Variants in ZNF654 observed in about 807,000 individuals in gnomAD.
The protein encoded by ZNF654 is zinc finger protein 654, also known as melanoma-associated antigen.
A neutral mutation model predicts 95.3 loss-of-function variants in ZNF654; 19 were observed. That is an observed-to-expected ratio of 0.20 (90% confidence interval 0.14 to 0.29). ZNF654 has a LOEUF of 0.29. ZNF654 is among the 10% of genes least tolerant of loss of function. The pLI, the probability that ZNF654 is intolerant of heterozygous loss-of-function variation, is 1.00. For synonymous variants in ZNF654, 413 were observed against 457.9 expected (o/e 0.90, Z 1.25); for missense variants, 1,046 against 1,341.0 (o/e 0.78, Z 3.44).
intron 6 of ZNF654, among the ~76,000 whole-genome samples, chr3:88,132,159 G>C (rs1329230248): frequency 6.6e-6 from 1 of 152,086 alleles, no homozygotes; most frequent in African/African-American, 2.4e-5. Flanking sequence ...CTAGTAAGTA[G>C]TGAAGCCAGG....
chr3:88,092,507 G>A (rs1009154935), intron 2 of ZNF654, among the ~76,000 whole-genome samples: 1 of 152,130 alleles, frequency 6.6e-6, no homozygotes, highest in African/African-American at 2.4e-5. Flanking sequence ...TACTCTGAAG[G>A]AATGACAGGA....
chr3:88,060,436 G>T (rs529979646), intron 1 of ZNF654, among the ~76,000 whole-genome samples: 1 of 152,126 alleles, frequency 6.6e-6, no homozygotes, highest in Non-Finnish European at 1.5e-5. Flanking sequence ...AATTTAAACG[G>T]TTTGTTCCCA....
chr3:88,087,590 G>T (rs2107666433), intron 2 of ZNF654, among the ~76,000 whole-genome samples: 1 of 152,278 alleles, frequency 6.6e-6, no homozygotes, highest in South Asian at 2.1e-4. Context: ...TAGAGGAATG[G>T]TCATTGCAAC....
intron 1 of ZNF654, among the ~76,000 whole-genome samples, chr3:88,074,089 T>G (rs1050885087): frequency 3.9e-5 from 6 of 152,186 alleles, no homozygotes; most frequent in African/African-American, 1.4e-4. Flanking sequence ...TCTACCAGAT[T>G]TGATCATTTG....
intron 2 of ZNF654, among the ~76,000 whole-genome samples, chr3:88,110,535 T>G (rs950875011): frequency 1.3e-5 from 2 of 152,146 alleles, no homozygotes; most frequent in Admixed American, 6.6e-5. Flanking sequence ...TCATTTCTCA[T>G]GTACTATACA....
intron 2 of ZNF654, among the ~76,000 whole-genome samples, chr3:88,088,113 A>C (rs1267540150): frequency 6.6e-6 from 1 of 152,230 alleles, no homozygotes; most frequent in Non-Finnish European, 1.5e-5. Context: ...ATATAAATTA[A>C]ATAACCTTGG....
In ZNF654 at chr3:88,143,555, A is replaced by T. The variant is rs1707224949; in HGVS notation, c.*1903A>T. ...CTTTTGAAATATTTCTGCTTTGTAC[A>T]TTTTCCAGAAGTTTAATATTTTATC... is the stretch of plus-strand genomic sequence containing the variant. On this transcript the variant is annotated 3_prime_UTR_variant, in exon 9 of 9. Transcript: ENST00000636215. The T allele has an allele frequency of 6.6e-6, 1 of 152,184 alleles. No individual in the cohort carries two copies. The highest frequency in any genetic ancestry group is 6.6e-5 in the Admixed American group (1 of 15,242). 9.4% of individuals were successfully genotyped at this position (152,184 alleles called of 1,614,324 possible). A position where few individuals can be genotyped will look rare whatever the true frequency, so the allele number is the denominator to read the frequency against.
At chr3:88,135,399 AATTT>A in intron 7 of ZNF654, 197 bp downstream of exon 7, 1 of 379,360 alleles carries the variant, frequency 2.6e-6, no homozygotes. Context: ...TGTTACTTAA[AATTT>A]AACATGGAAG....
chr3:88,139,160 A>C lies in ZNF654; in HGVS notation c.1491A>C (p.Glu497Asp), dbSNP rs1312463238. The change falls in exon 8 of 9, where the codon GAA (glutamate) becomes GAC (aspartate). Residue 497 changes from glutamate to aspartate, a missense_variant. Coordinates refer to ENST00000636215, the MANE Select transcript of ZNF654 (RefSeq NM_001350134.2). ...CGGAGGAACAGCAAGGTTTGGATGA[A>C]GGGTTTGACTCTCTTACAGATCAGA... ...KRTEEQQGLD[E>D]GFDSLTDQST... The C allele has an allele frequency of 7.5e-7, 1 of 1,329,312 alleles. No individual in the cohort carries two copies. The highest frequency in any genetic ancestry group is 9.6e-7 in the Non-Finnish European group (1 of 1,038,270). 82.3% of individuals were successfully genotyped at this position (1,329,312 alleles called of 1,614,324 possible). A position where few individuals can be genotyped will look rare whatever the true frequency, so the allele number is the denominator to read the frequency against.
chr3:88,083,005 T>C (rs1005751090), intron 1 of ZNF654, among the ~76,000 whole-genome samples: 1 of 152,066 alleles, frequency 6.6e-6, no homozygotes, highest in African/African-American at 2.4e-5. Flanking sequence ...TTCTGCCTCC[T>C]TCTCCTTTTC....
intron 3 of ZNF654, among the ~76,000 whole-genome samples, chr3:88,113,996 A>G (rs759523730): frequency 6.6e-6 from 1 of 152,288 alleles, no homozygotes; most frequent in Non-Finnish European, 1.5e-5. Context: ...AGTATTTAAA[A>G]CTTACTAATT....
In ZNF654 at chr3:88,126,703, C is replaced by T. The variant is rs1197403433; in HGVS notation, c.550+434C>T. On this transcript the variant is annotated intron_variant, in intron 4 of 8. Transcript: ENST00000636215. Reference sequence around the variant, plus strand: ...CTGGAACTCTGAATTTTTGTCACTACTACTGCATATCCTATAGCTAGCCCA... The same window carrying T: ...CTGGAACTCTGAATTTTTGTCACTATTACTGCATATCCTATAGCTAGCCCA... Among the ~76,000 whole-genome samples the T allele has an allele frequency of 2.0e-5, 3 of 149,152 alleles. No homozygotes were observed. The Admixed American group carries it at 2.0e-4, about 10-fold the overall frequency.
At chr3:88,089,887 T>C (rs1388542410) in intron 2 of ZNF654, among the ~76,000 whole-genome samples, 2 of 152,184 alleles carry the variant, frequency 1.3e-5, no homozygotes, top group African/African-American at 4.8e-5. Context: ...ATGTTTCATA[T>C]GAGATGGTGG....
chr3:88,143,803 C>G lies in ZNF654; in HGVS notation c.*2151C>G, dbSNP rs1327507462. The G allele has an allele frequency of 6.6e-6, 1 of 151,888 alleles. No homozygotes were observed. The highest frequency in any genetic ancestry group is 1.5e-5 in the Non-Finnish European group (1 of 67,774). 9.4% of individuals were successfully genotyped at this position (151,888 alleles called of 1,614,324 possible). On this transcript the variant is annotated 3_prime_UTR_variant, in exon 9 of 9. Transcript: ENST00000636215. Reference sequence around the variant, plus strand: ...AAATCAAGGAATGTTTTATAAAATTCTATTTGACCACACTGTCTTAACCTC... The same window carrying G: ...AAATCAAGGAATGTTTTATAAAATTGTATTTGACCACACTGTCTTAACCTC...
At chr3:88,102,096 G>C (rs1174021621) in intron 2 of ZNF654, among the ~76,000 whole-genome samples, 1 of 151,982 alleles carries the variant, frequency 6.6e-6, no homozygotes, top group African/African-American at 2.4e-5. Context: ...GCTATATCTT[G>C]TCTTTTCATT....
At chr3:88,075,989 G>T (rs1239239317) in intron 1 of ZNF654, among the ~76,000 whole-genome samples, 1 of 152,086 alleles carries the variant, frequency 6.6e-6, no homozygotes, top group Non-Finnish European at 1.5e-5. Flanking sequence ...TTACTTCCCT[G>T]AGACCTAACT....
At position 88,126,118 on chromosome 3, in the gene ZNF654, G is replaced by A; in HGVS notation, c.415-16G>A. 1 of 1,466,752 alleles carries A rather than the reference G, an allele frequency of 6.8e-7. No homozygotes were observed. The allele number at this position is 1,466,752 out of a possible 1,614,324, so 90.9% of individuals were successfully genotyped here. ...CCCTTTAAATTCACAGAGCCAAAAT[G>A]ATTTTTCTCTCCTAGGAATGCCAGA... On this transcript the variant is annotated splice_polypyrimidine_tract_variant and intron_variant, in intron 3 of 8. Transcript: ENST00000636215.
intron 1 of ZNF654, among the ~76,000 whole-genome samples, chr3:88,067,106 G>A (rs1273604495): frequency 6.6e-6 from 1 of 152,194 alleles, no homozygotes; most frequent in Non-Finnish European, 1.5e-5. Flanking sequence ...AGTCACTAAT[G>A]TGAAGGTTGA....
chr3:88,069,758 T>C (rs1241012326), intron 1 of ZNF654, among the ~76,000 whole-genome samples: 1 of 152,216 alleles, frequency 6.6e-6, no homozygotes, highest in Non-Finnish European at 1.5e-5. Flanking sequence ...TTACACAAAT[T>C]ATAGCAGTTC....
Sources: gnomAD v4.1 joint callset for allele counts (sites outside exome capture counted in the v4.1 genomes callset) on GRCh38, gnomAD v4.1.1 for gene constraint, MANE v1.5 for transcripts, NCBI Gene and HGNC (gene_info 2026-07-23, HGNC 2026-07-21) for gene names.